The following VPS13B variants were observed in gnomAD, a reference collection of about 807,000 sequenced individuals.
The protein encoded by VPS13B is vacuolar protein sorting 13 homolog B, also known as intermembrane lipid transfer protein VPS13B.
A neutral mutation model predicts 426.4 loss-of-function variants in VPS13B; 285 were observed. The ratio of observed to expected loss-of-function variants is 0.67; its 90% CI spans 0.61 to 0.74. The LOEUF is 0.74. Ranked by LOEUF, VPS13B falls within the 30% of genes least tolerant of loss-of-function variation. VPS13B has a pLI of 0.00. For synonymous variants in VPS13B, 1,676 were observed against 1,676.4 expected (o/e 1.00, Z 0.01); for missense variants, 4,537 against 4,782.6 (o/e 0.95, Z 1.51).
chr8:99,630,933 A>T (rs1828819419), intron 33 of VPS13B, among the ~76,000 whole-genome samples: 1 of 152,128 alleles, frequency 6.6e-6, no homozygotes, highest in Non-Finnish European at 1.5e-5. Flanking sequence ...AATGACCAAT[A>T]GTATTTGATG....
At chr8:99,537,357 TATA>T (rs1397709402) in intron 30 of VPS13B, among the ~76,000 whole-genome samples, 1 of 152,200 alleles carries the variant, frequency 6.6e-6, no homozygotes, top group East Asian at 1.9e-4. Flanking sequence ...AACGTTTACT[TATA>T]ATAATACTTC....
At chr8:99,385,019 G>GT (rs1814039095) in intron 20 of VPS13B, among the ~76,000 whole-genome samples, 1 of 152,072 alleles carries the variant, frequency 6.6e-6, no homozygotes, top group Admixed American at 6.6e-5. Flanking sequence ...TCATATTTAG[G>GT]TTTTTTCAAC....
intron 54 of VPS13B, among the ~76,000 whole-genome samples, 177 bp downstream of exon 54, chr8:99,835,915 A>G (rs1347097948): frequency 6.6e-6 from 1 of 152,232 alleles, no homozygotes; most frequent in African/African-American, 2.4e-5. Context: ...AAACTCAAGT[A>G]TGTATCTGCA....
rs16892255 is a variant in VPS13B, at chr8:99,452,686, A to G, written c.3445+10051A>G. 1.0e-2 allele frequency among the ~76,000 whole-genome samples: 1,517 copies of G among 152,332 alleles called. 34 individuals carry two copies. Among genetic ancestry groups the G allele is most frequent in the African/African-American group, 0.035 (1,454 of 41,582 alleles). The stretch of plus-strand genomic sequence containing the variant: ...AAAGGGGGGAAAAAGCATTACATAG[A>G]TGATTAATAGGATGAACAAAAAGTT... On this transcript the variant is annotated intron_variant, in intron 23 of 61. Transcript: ENST00000357162.
At chr8:99,037,118 A>G (rs1261248076) in intron 2 of VPS13B, among the ~76,000 whole-genome samples, 1 of 152,174 alleles carries the variant, frequency 6.6e-6, no homozygotes, top group Non-Finnish European at 1.5e-5. Flanking sequence ...CTTTTGTTAC[A>G]GGCACTGATC....
intron 27 of VPS13B, among the ~76,000 whole-genome samples, chr8:99,503,405 C>G (rs1821341334): frequency 6.6e-6 from 1 of 152,018 alleles, no homozygotes; most frequent in South Asian, 2.1e-4. Context: ...AAAAATAAGT[C>G]AATGATGTCA....
intron 24 of VPS13B, among the ~76,000 whole-genome samples, chr8:99,476,585 T>G (rs552270493): frequency 6.6e-6 from 1 of 152,192 alleles, no homozygotes; most frequent in African/African-American, 2.4e-5. Context: ...AGAAAATACA[T>G]GTATGATACC....
At chr8:99,431,138 T>A (rs1415513322) in intron 21 of VPS13B, among the ~76,000 whole-genome samples, 1 of 152,232 alleles carries the variant, frequency 6.6e-6, no homozygotes, top group African/African-American at 2.4e-5. Flanking sequence ...TAGTTGAATT[T>A]CTCTTTTTCT....
intron 5 of VPS13B, 66 bp downstream of exon 5, chr8:99,103,186 C>T: frequency 6.4e-7 from 1 of 1,567,652 alleles, no homozygotes; most frequent in Non-Finnish European, 8.8e-7. Context: ...ACTCTTAACC[C>T]TTCTTTGGGC....
intron 39 of VPS13B, among the ~76,000 whole-genome samples, chr8:99,762,948 G>C (rs1039046117): frequency 4.6e-5 from 7 of 151,572 alleles, no homozygotes; most frequent in African/African-American, 1.7e-4. Context: ...AACTAGCCTG[G>C]GCAACAGAGG....
At position 99,013,825 on chromosome 8, in the gene VPS13B, T is replaced by C. The variant is rs1310676971; in HGVS notation, c.37T>C (p.Tyr13His). 1 of 1,614,216 alleles carries C rather than the reference T, an allele frequency of 6.2e-7. No individual in the cohort carries two copies. Among genetic ancestry groups the C allele is most frequent in the East Asian group, 2.2e-5 (1 of 44,878 alleles). Residue 13 changes from tyrosine to histidine, a missense_variant, in exon 2 of 62, where the codon TAT becomes CAT. Physicochemically the swap from Tyr to His is moderately conservative, Grantham distance 83. This residue lies in a region of VPS13B where 226 missense variants were observed against 308.3 expected (regional missense o/e 0.73). Coordinates refer to ENST00000357162, the MANE Select transcript of VPS13B (RefSeq NM_152564.5). ...ESYVTPILMS[Y>H]VNRYIKNLKP... is the part of the protein sequence containing the mutation. ...ATATGTAACTCCAATTTTAATGAGC[T>C]ATGTGAATCGCTACATCAAGAACTT... is the stretch of plus-strand genomic sequence containing the variant.
At chr8:99,501,622 A>G in intron 25 of VPS13B, 65 bp from the exon 26 acceptor site, 1 of 1,475,848 alleles carries the variant, frequency 6.8e-7, no homozygotes, top group South Asian at 1.2e-5. Flanking sequence ...TTTAATTTAT[A>G]ATTTGTATTT....
chr8:99,360,409 C>G (rs1314038444), intron 19 of VPS13B, among the ~76,000 whole-genome samples: 1 of 151,358 alleles, frequency 6.6e-6, no homozygotes, highest in African/African-American at 2.4e-5. Context: ...TCCTGAGTAG[C>G]TGGGACTACA....
chr8:99,437,546 C>T (rs1421493123), intron 22 of VPS13B, among the ~76,000 whole-genome samples: 2 of 151,744 alleles, frequency 1.3e-5, no homozygotes, highest in Admixed American at 6.6e-5. Context: ...GGTGAAATCC[C>T]GTGTCTACTA....
At chr8:99,143,945 G>A (rs1810565206) in intron 13 of VPS13B, among the ~76,000 whole-genome samples, 1 of 152,086 alleles carries the variant, frequency 6.6e-6, no homozygotes. Context: ...TACTGGGATG[G>A]GAGCAGAACT....
chr8:99,715,826 T>A (rs1051142485), intron 36 of VPS13B, among the ~76,000 whole-genome samples: 4 of 152,322 alleles, frequency 2.6e-5, no homozygotes, highest in African/African-American at 9.6e-5. Flanking sequence ...ATATTTCATT[T>A]AGCAAATATT....
At chr8:99,524,568 G>A (rs943993281) in intron 30 of VPS13B, among the ~76,000 whole-genome samples, 56 of 152,298 alleles carry the variant, frequency 3.7e-4, no homozygotes, top group Middle Eastern at 3.4e-3. Flanking sequence ...TTACGTGGGA[G>A]GATTGCTTGA....
At chr8:99,351,629 T>C (rs1811901926) in intron 19 of VPS13B, among the ~76,000 whole-genome samples, 1 of 152,166 alleles carries the variant, frequency 6.6e-6, no homozygotes, top group South Asian at 2.1e-4. Flanking sequence ...TTAGGAATTT[T>C]TGCATAGCGT....
At chr8:99,705,198 T>C (rs1234966043) in intron 36 of VPS13B, among the ~76,000 whole-genome samples, 1 of 152,130 alleles carries the variant, frequency 6.6e-6, no homozygotes, top group Non-Finnish European at 1.5e-5. Context: ...GACTATGATA[T>C]ATCTCTGTAT....
Sources: gnomAD v4.1 joint callset for allele counts (sites outside exome capture counted in the v4.1 genomes callset) on GRCh38, gnomAD v4.1.1 for gene constraint, gnomAD v4.1.1 regional missense constraint, MANE v1.5 for transcripts, NCBI Gene and HGNC (gene_info 2026-07-23, HGNC 2026-07-21) for gene names.